Variants in LY75 observed in about 807,000 individuals in gnomAD.
The protein encoded by LY75 is C-type lectin domain family 13 member B.
LY75 carries 185 observed loss-of-function variants against 231.7 expected under a neutral mutation model. The observed-to-expected ratio is 0.80, with a 90% CI of 0.71 to 0.90. The LOEUF is 0.90. Among genes scored for constraint, LY75 ranks in the 40% least tolerant of loss-of-function variants. The probability of loss-of-function intolerance (pLI) is 0.00; values close to 1 mark genes in which losing one functional copy is unlikely to be tolerated. For synonymous variants in LY75, 668 were observed against 689.0 expected, an observed-to-expected ratio of 0.97 and a Z score of 0.48; for missense variants, 1,947 against 2,050.2, an observed-to-expected ratio of 0.95 and a Z score of 0.97.
chr2:159,874,664 ATATATTTTGTAAATATATG>A, intron 12 of LY75, among the ~76,000 whole-genome samples: 3 of 113,000 alleles, frequency 2.7e-5, no homozygotes, highest in African/African-American at 1.0e-4. Flanking sequence ...GTAAATATAT[ATATATTTTGTAAATATATG>A]TAAATATATA....
rs781029569 is a variant in LY75, at chr2:159,885,174, T to G, written c.1033A>C (p.Asn345His). The change falls in exon 6 of 35, where the codon AAT becomes CAT. Residue 345 changes from asparagine (N) to histidine (H), a missense_variant. Asn to His is a moderately conservative substitution (Grantham distance 68). Coordinates refer to ENST00000263636, the MANE Select transcript of LY75 (RefSeq NM_002349.4). ...QLPYVCRKPLNNTVELTDVWT... is the reference protein window; with the variant it reads ...QLPYVCRKPLHNTVELTDVWT... The stretch of plus-strand genomic sequence containing the variant: ...ATACCTGTTAACTCCACTGTATTAT[T>G]TAATGGTTTCCTGCAGACATAGGGC... 1 of 1,613,500 alleles carries G rather than the reference T, an allele frequency of 6.2e-7. No homozygotes were observed. The highest frequency in any genetic ancestry group is 1.1e-5 in the South Asian group (1 of 91,042).
Position 159,880,855 on chromosome 2 carries a change from A to G in LY75, c.1404+228T>C, listed in dbSNP as rs977860115. On this transcript the variant is annotated intron_variant, in intron 8 of 34. Transcript: ENST00000263636. ...CTAGGAGAATCTAATGCTGCTGCCA[A>G]TCTGACAGGAGGCGGAGTTCAGGCA... Among the ~76,000 whole-genome samples, 5 of 152,158 alleles carry G rather than the reference A, an allele frequency of 3.3e-5. No individual in the cohort carries two copies. In the South Asian group the frequency reaches 6.2e-4, roughly 19 times the overall value.
At chr2:159,822,569 G>C (rs1683329838) in intron 28 of LY75, among the ~76,000 whole-genome samples, 2 of 152,250 alleles carry the variant, frequency 1.3e-5, no homozygotes, top group African/African-American at 2.4e-5. Context: ...ATCCCTGCCT[G>C]ATGGCTCTGA....
chr2:159,821,588 C>T (rs1683290923), intron 28 of LY75, among the ~76,000 whole-genome samples: 1 of 143,918 alleles, frequency 6.9e-6, no homozygotes, highest in Admixed American at 7.4e-5. Flanking sequence ...TGCACCACTT[C>T]AGCTTCGGTG....
chr2:159,819,820 A>AC lies in LY75; in HGVS notation c.4058dup (p.Ser1353ArgfsTer3). The AC allele has an allele frequency of 2.5e-6, 4 of 1,614,154 alleles. No homozygotes were observed. Among genetic ancestry groups the AC allele is most frequent in the Non-Finnish European group, 3.4e-6 (4 of 1,180,010 alleles). On this transcript the variant is annotated frameshift_variant, in exon 29 of 35. Coordinates refer to ENST00000263636, the MANE Select transcript of LY75 (RefSeq NM_002349.4). LOFTEE classifies it high-confidence loss of function. ...TTTGAATATCCCAGAAGCCGTCAGTACTTAAACCAGCCAAAAACTTCTCAT... is the reference window on the plus strand; with the variant it reads ...TTTGAATATCCCAGAAGCCGTCAGTACCTTAAACCAGCCAAAAACTTCTCAT...
At chr2:159,894,563 C>T (rs1010932997) in intron 2 of LY75, among the ~76,000 whole-genome samples, 10 of 152,176 alleles carry the variant, frequency 6.6e-5, no homozygotes, top group African/African-American at 2.4e-4. Flanking sequence ...ACTTTGGAAC[C>T]ACCTGCGGCA....
intron 25 of LY75, among the ~76,000 whole-genome samples, chr2:159,837,226 CAG>C (rs1352396130): frequency 5.3e-5 from 8 of 152,178 alleles, no homozygotes; most frequent in African/African-American, 1.2e-4. Context: ...ACAGCAAAGA[CAG>C]GGAATCAATC....
chr2:159,843,098 C>CT (rs939355876), intron 23 of LY75, among the ~76,000 whole-genome samples: 3 of 151,314 alleles, frequency 2.0e-5, no homozygotes, highest in Non-Finnish European at 2.9e-5. Context: ...AATATATTCT[C>CT]TTTTTTTTAA....
intron 2 of LY75, among the ~76,000 whole-genome samples, chr2:159,898,449 C>T (rs896696237): frequency 7.2e-5 from 11 of 152,146 alleles, no homozygotes; most frequent in African/African-American, 2.7e-4. Flanking sequence ...TTTATCACAA[C>T]ATGGCTGTGT....
chr2:159,874,027 C>T (rs1345181121), intron 12 of LY75, among the ~76,000 whole-genome samples: 6 of 62,922 alleles, frequency 9.5e-5, no homozygotes, highest in Admixed American at 4.8e-4. Context: ...TACATATAAA[C>T]GTATATATTT....
At chr2:159,890,091 T>G (rs2125881869) in intron 4 of LY75, 122 bp downstream of exon 4, 1 of 1,317,712 alleles carries the variant, frequency 7.6e-7, no homozygotes, top group South Asian at 1.5e-5. Context: ...GTGTAGAAGT[T>G]TAAATCCCAA....
chr2:159,822,379 T>G (rs1683324965), intron 28 of LY75, among the ~76,000 whole-genome samples: 1 of 152,210 alleles, frequency 6.6e-6, no homozygotes, highest in Admixed American at 6.5e-5. Flanking sequence ...TTGCTGAGGC[T>G]CGAGTAGGCA....
At chr2:159,875,111 T>C (rs187045847) in intron 12 of LY75, among the ~76,000 whole-genome samples, 125 of 151,172 alleles carry the variant, frequency 8.3e-4, no homozygotes, top group Middle Eastern at 3.5e-3. Context: ...GTGCTGGAGC[T>C]GTTAATTTGA....
At position 159,831,774 on chromosome 2, in the gene LY75, T is replaced by C; in HGVS notation, c.3854A>G (p.His1285Arg). The C allele has an allele frequency of 1.9e-6, 3 of 1,607,984 alleles. No individual in the cohort carries two copies. The highest frequency in any genetic ancestry group is 2.5e-6 in the Non-Finnish European group (3 of 1,177,922). ...CTTTTCATCTCGAATACTCAGAATA[T>C]GTGATTTTGGATCTGTTGAATAAAA... ...TKCQKLNPKSHILSIRDEKEN... is the reference protein window; with the variant it reads ...TKCQKLNPKSRILSIRDEKEN... The change falls in exon 28 of 35, where the codon CAT becomes CGT. Residue 1285 changes from histidine (H) to arginine (R), a missense_variant. Physicochemically the swap from His to Arg is conservative, Grantham distance 29. Coordinates refer to ENST00000263636, the MANE Select transcript of LY75 (RefSeq NM_002349.4).
intron 17 of LY75, 102 bp downstream of exon 17, chr2:159,854,802 T>C: frequency 8.0e-6 from 12 of 1,507,954 alleles, no homozygotes; most frequent in Non-Finnish European, 1.1e-5. Flanking sequence ...TTTGTCTCAC[T>C]TGAAGATGTA....
At position 159,886,228 on chromosome 2, in the gene LY75, T is replaced by C. The variant is rs1311875645; in HGVS notation, c.913+192A>G. On this transcript the variant is annotated intron_variant, in intron 5 of 34. Coordinates refer to ENST00000263636, the MANE Select transcript of LY75 (RefSeq NM_002349.4). ...GTCTAGAGGTTCAAATGCTCAGTTG[T>C]CCATGGTGTGGTTCAGCTTGGCAAT... Among the ~76,000 whole-genome samples the C allele has an allele frequency of 2.6e-5, 4 of 152,150 alleles. No individual in the cohort carries two copies. In the East Asian group the frequency reaches 7.7e-4, roughly 29 times the overall value.
At chr2:159,828,033 C>G (rs1052458828) in intron 28 of LY75, among the ~76,000 whole-genome samples, 1 of 151,450 alleles carries the variant, frequency 6.6e-6, no homozygotes, top group Non-Finnish European at 1.5e-5. Flanking sequence ...TGCATCAAAC[C>G]ACCATGGCAT....
intron 28 of LY75, among the ~76,000 whole-genome samples, chr2:159,829,857 T>G (rs1683593397): frequency 6.6e-6 from 1 of 152,184 alleles, no homozygotes; most frequent in Admixed American, 6.5e-5. Flanking sequence ...TAAAAATGCT[T>G]TTTCAGAATT....
Position 159,840,746 on chromosome 2 carries a change from C to G in LY75, c.3490G>C (p.Gly1164Arg), listed in dbSNP as rs375167764. Residue 1164 changes from glycine to arginine, a missense_variant, in exon 25 of 35, where the codon GGA (glycine) becomes CGA (arginine). By Grantham distance (125) the Gly-to-Arg change is moderately radical (BLOSUM62 -2). Coordinates refer to ENST00000263636, the MANE Select transcript of LY75 (RefSeq NM_002349.4). Reference sequence around the variant, plus strand: ...ACACTTACATCTTGACTGAAGAGTCCGATCCATAAGGAAGAGTTGTGAAGG... The same window carrying G: ...ACACTTACATCTTGACTGAAGAGTCGGATCCATAAGGAAGAGTTGTGAAGG... Reference protein sequence around the residue: ...ALLHNSSLWIGLFSQDDELNF... With the variant: ...ALLHNSSLWIRLFSQDDELNF... 3.7e-6 allele frequency: 6 copies of G among 1,613,954 alleles called. No individual in the cohort carries two copies. Among genetic ancestry groups the G allele is most frequent in the Non-Finnish European group, 2.5e-6 (3 of 1,179,932 alleles).
Sources: gnomAD v4.1 joint callset for allele counts (sites outside exome capture counted in the v4.1 genomes callset) on GRCh38, gnomAD v4.1.1 for gene constraint, MANE v1.5 for transcripts, NCBI Gene and HGNC (gene_info 2026-07-23, HGNC 2026-07-21) for gene names.